Variants in C5 observed in about 807,000 individuals in gnomAD.
The protein encoded by C5 is complement C5, also known as C3 and PZP-like alpha-2-macroglobulin domain-containing protein 4.
C5 carries 140 observed loss-of-function variants against 218.8 expected under a neutral mutation model. The observed-to-expected ratio is 0.64, with a 90% CI of 0.56 to 0.74. The LOEUF is 0.74. C5 is among the 30% of genes least tolerant of loss of function. The pLI is 0.00. For synonymous variants in C5, 614 were observed against 682.3 expected (o/e 0.90, Z 1.56); for missense variants, 1,700 against 1,969.6 (o/e 0.86, Z 2.59).
intron 40 of C5, 126 bp from the exon 41 acceptor site, chr9:120,952,994 G>A: frequency 1.1e-6 from 1 of 944,506 alleles, no homozygotes; most frequent in Non-Finnish European, 1.6e-6. Context: ...CGTGATCTCA[G>A]CTCACTGCAA....
intron 22 of C5, among the ~76,000 whole-genome samples, chr9:120,993,235 G>C (rs1012968147): frequency 1.3e-5 from 2 of 152,256 alleles, no homozygotes; most frequent in African/African-American, 4.8e-5. Context: ...AATATGACAG[G>C]ACTAAATGGC....
chr9:121,055,939 T>C, the C5 span, among the ~76,000 whole-genome samples: 2 of 151,840 alleles, frequency 1.3e-5, no homozygotes, highest in Admixed American at 1.3e-4. Flanking sequence ...AAAGAGACTT[T>C]GCCTGGTAAC....
chr9:120,963,533 T>C, intron 34 of C5, 103 bp downstream of exon 34: 1 of 857,828 alleles, frequency 1.2e-6, no homozygotes. Context: ...TGGGTGATTC[T>C]ATAAAAGTGG....
At chr9:120,977,171 A>G (rs1163948589) in intron 28 of C5, among the ~76,000 whole-genome samples, 2 of 152,190 alleles carry the variant, frequency 1.3e-5, no homozygotes, top group African/African-American at 2.4e-5. Context: ...ATGATGCCAC[A>G]GGTGGGTAAT....
chr9:120,981,874 A>G lies in C5; in HGVS notation c.3456T>C (p.Ile1152=), dbSNP rs1425766457. 6.2e-7 allele frequency: 1 copy of G among 1,613,896 alleles called. No individual in the cohort carries two copies. The highest frequency in any genetic ancestry group is 1.7e-5 in the Admixed American group (1 of 60,026). ...GGGGGCATATATCGAAAGCCTTTCT[A>G]ATTCCAATCACAGTAAAGGCTGTAA... ...LYLTAFTVIG[I]RKAFDICPLV... is the part of the protein sequence containing the mutation. Residue 1152 remains isoleucine (I), a synonymous_variant, in exon 27 of 41, where the codon ATT becomes ATC. Coordinates refer to ENST00000223642, the MANE Select transcript of C5 (RefSeq NM_001735.3).
chr9:120,953,915 T>A (rs776990732), intron 39 of C5, 47 bp from the exon 40 acceptor site: 69 of 1,603,622 alleles, frequency 4.3e-5, no homozygotes, highest in Non-Finnish European at 1.6e-5. Flanking sequence ...CATGTTTTAA[T>A]GTCACAATTA....
Position 120,953,623 on chromosome 9 carries a change from G to A in C5, c.4901+107C>T, listed in dbSNP as rs564009235. The A allele has an allele frequency of 1.7e-5, 19 of 1,138,596 alleles. No homozygotes were observed. In the South Asian group the frequency reaches 2.4e-4, roughly 14 times the overall value. 70.5% of individuals were successfully genotyped at this position (1,138,596 alleles called of 1,614,324 possible). A position where few individuals can be genotyped will look rare whatever the true frequency, so the allele number is the denominator to read the frequency against. ...CATTAATATTATTTAGTTCAAAATG[G>A]TTTGTTGGTTAAGAGCAGGGCCATA... On this transcript the variant is annotated intron_variant, in intron 40 of 40. Transcript: ENST00000223642.
intron 25 of C5, among the ~76,000 whole-genome samples, chr9:120,983,212 AT>A (rs1372587967): frequency 5.9e-5 from 9 of 152,246 alleles, no homozygotes; most frequent in Admixed American, 3.3e-4. Flanking sequence ...TGGAATCTAA[AT>A]TCCTATCTGA....
At chr9:121,006,308 T>C (rs760244986) in intron 19 of C5, among the ~76,000 whole-genome samples, 6 of 152,256 alleles carry the variant, frequency 3.9e-5, no homozygotes, top group East Asian at 1.9e-4. Context: ...TGAGAATGTT[T>C]ATCAACTAAC....
rs927212228 is a variant in C5 at position 120,997,486 on chromosome 9, CT to C, written c.2790+60del. The C allele has an allele frequency of 4.3e-4, 534 of 1,228,628 alleles. 2 individuals are homozygous for C. Among genetic ancestry groups the C allele is most frequent in the Middle Eastern group, 7.7e-4 (3 of 3,896 alleles). The allele number at this position is 1,228,628 out of a possible 1,614,324, so 76.1% of individuals were successfully genotyped here. A position where few individuals can be genotyped will look rare whatever the true frequency, so the allele number is the denominator to read the frequency against. On this transcript the variant is annotated intron_variant, in intron 21 of 40. Transcript: ENST00000223642. ...TTACACTATTGTTTCTCTCCCCCCC[CT>C]TTCTGTGTCTCTCTTTTGCAATAAT...
intron 11 of C5, among the ~76,000 whole-genome samples, chr9:121,021,069 A>G (rs1359830885): frequency 6.6e-6 from 1 of 152,240 alleles, no homozygotes; most frequent in East Asian, 1.9e-4. Flanking sequence ...GAACTTAAAT[A>G]ATATTTGCTG....
At chr9:121,072,998 A>T in the C5 span, among the ~76,000 whole-genome samples, 1 of 152,134 alleles carries the variant, frequency 6.6e-6, no homozygotes, top group African/African-American at 2.4e-5. Flanking sequence ...GGAAAAGGAA[A>T]TCAGTAAATC....
chr9:121,022,341 TTTG>T lies in C5; in HGVS notation c.1117-650_1117-648del, dbSNP rs772735856. Among the ~76,000 whole-genome samples, 15 of 150,936 alleles carry T rather than the reference TTTG, an allele frequency of 9.9e-5. 1 individual carries two copies. The highest frequency in any genetic ancestry group is 2.1e-4 in the South Asian group (1 of 4,828). ...CACACACAATTCCACACAGATATAGTTTGTTATTTTACTTTTATATAAACATAT... is the reference window on the plus strand; with the variant it reads ...CACACACAATTCCACACAGATATAGTTTATTTTACTTTTATATAAACATAT... On this transcript the variant is annotated intron_variant, in intron 10 of 40. Transcript: ENST00000223642.
chr9:120,964,894 G>A (rs945986695), intron 33 of C5, among the ~76,000 whole-genome samples: 2 of 152,180 alleles, frequency 1.3e-5, no homozygotes, highest in African/African-American at 4.8e-5. Context: ...TTGGGTGGCA[G>A]AGGCTTAGAG....
chr9:121,030,557 T>C, intron 6 of C5, 70 bp from the exon 7 acceptor site: 1 of 848,448 alleles, frequency 1.2e-6, no homozygotes, highest in South Asian at 1.6e-5. Context: ...AGCAAACAGC[T>C]AGACTTTCTG....
intron 39 of C5, among the ~76,000 whole-genome samples, chr9:120,955,758 T>C (rs188544786): frequency 2.2e-4 from 33 of 152,208 alleles, no homozygotes; most frequent in African/African-American, 6.7e-4. Flanking sequence ...AAAATATTAC[T>C]AGAATTTTAA....
chr9:121,041,012 G>A (rs1162924283), intron 3 of C5, among the ~76,000 whole-genome samples: 3 of 147,090 alleles, frequency 2.0e-5, no homozygotes, highest in Non-Finnish European at 4.5e-5. Context: ...GCAGTGGCGC[G>A]ATCTCACTGC....
intron 12 of C5, among the ~76,000 whole-genome samples, chr9:121,019,703 C>A (rs2047346495): frequency 6.6e-6 from 1 of 152,186 alleles, no homozygotes; most frequent in Non-Finnish European, 1.5e-5. Flanking sequence ...GAGTCAGAGT[C>A]CTCAGCTCAA....
intron 5 of C5, among the ~76,000 whole-genome samples, chr9:121,032,471 G>T (rs2047484493): frequency 6.6e-6 from 1 of 152,010 alleles, no homozygotes; most frequent in Admixed American, 6.6e-5. Flanking sequence ...TTGATTTGAA[G>T]AACTTATTAT....
Sources: gnomAD v4.1 joint callset for allele counts (sites outside exome capture counted in the v4.1 genomes callset) on GRCh38, gnomAD v4.1.1 for gene constraint, MANE v1.5 for transcripts, NCBI Gene and HGNC (gene_info 2026-07-23, HGNC 2026-07-21) for gene names.